Variants in NEK7 observed in about 807,000 individuals in gnomAD.
NEK7 encodes NIMA related kinase 7.
Under a neutral mutation model 44.6 loss-of-function variants are expected in NEK7, and 18 were observed. The ratio of observed to expected loss-of-function variants is 0.40; its 90% CI spans 0.28 to 0.60. NEK7 has a LOEUF of 0.60. Ranked by LOEUF, NEK7 falls within the 20% of genes least tolerant of loss-of-function variation. The pLI, the probability that NEK7 is intolerant of heterozygous loss-of-function variation, is 0.38. For missense variants in NEK7, 256 were observed against 366.5 expected, an observed-to-expected ratio of 0.70 and a Z score of 2.46; for synonymous variants, 130 against 121.1, an observed-to-expected ratio of 1.07 and a Z score of -0.48.
At chr1:198,180,030 A>AT (rs1664716620) in intron 1 of NEK7, among the ~76,000 whole-genome samples, 1 of 152,264 alleles carries the variant, frequency 6.6e-6, no homozygotes, top group Non-Finnish European at 1.5e-5. Context: ...TTTTGAGAAG[A>AT]TATCTGTGGA....
intron 1 of NEK7, among the ~76,000 whole-genome samples, chr1:198,207,591 C>G (rs1211314899): frequency 6.6e-6 from 1 of 152,090 alleles, no homozygotes; most frequent in Non-Finnish European, 1.5e-5. Flanking sequence ...TGAAAGAAGT[C>G]ATATTCAAAA....
rs986676044 is a variant in NEK7, at chr1:198,252,955, C to T, written c.58-85C>T. 7 of 1,143,136 alleles carry T rather than the reference C, an allele frequency of 6.1e-6. No homozygotes were observed. The Admixed American group carries it at 1.1e-4, about 17-fold the overall frequency. 70.8% of individuals were successfully genotyped at this position (1,143,136 alleles called of 1,614,324 possible). A position where few individuals can be genotyped will look rare whatever the true frequency, so the allele number is the denominator to read the frequency against. Reference sequence around the variant, plus strand: ...GTCTGCAAACTTACCCTATGTGTCACCTACATATATGAAAATGATCAGTGA... The same window carrying T: ...GTCTGCAAACTTACCCTATGTGTCATCTACATATATGAAAATGATCAGTGA... On this transcript the variant is annotated intron_variant, in intron 2 of 9. Transcript: ENST00000367385.
At chr1:198,189,981 A>AT (rs1665028252) in intron 1 of NEK7, among the ~76,000 whole-genome samples, 1 of 152,118 alleles carries the variant, frequency 6.6e-6, no homozygotes, top group South Asian at 2.1e-4. Context: ...GTATTGCCAT[A>AT]TAGGCAAATG....
intron 5 of NEK7, among the ~76,000 whole-genome samples, chr1:198,268,326 A>G (rs1000621417): frequency 1.3e-5 from 2 of 150,390 alleles, no homozygotes; most frequent in Non-Finnish European, 3.0e-5. Flanking sequence ...CCATCCTCCC[A>G]TGTTCCCTAA....
chr1:198,217,083 ATCC>A (rs1665943154), intron 1 of NEK7, among the ~76,000 whole-genome samples: 1 of 152,058 alleles, frequency 6.6e-6, no homozygotes, highest in South Asian at 2.1e-4. Flanking sequence ...GAAGGAGAGA[ATCC>A]TCCTGAACTC....
intron 7 of NEK7, among the ~76,000 whole-genome samples, chr1:198,289,664 A>G (rs1223532171): frequency 6.6e-6 from 1 of 152,134 alleles, no homozygotes; most frequent in Non-Finnish European, 1.5e-5. Context: ...TTCTTTTTTC[A>G]TTCAAATTTT....
chr1:198,228,493 C>T (rs868519545), intron 1 of NEK7, among the ~76,000 whole-genome samples: 3 of 151,714 alleles, frequency 2.0e-5, no homozygotes, highest in Non-Finnish European at 2.9e-5. Context: ...ATTCTTCCTA[C>T]CCATGAGCAT....
intron 2 of NEK7, among the ~76,000 whole-genome samples, chr1:198,248,722 T>C (rs996293967): frequency 1.1e-4 from 16 of 152,144 alleles, no homozygotes; most frequent in African/African-American, 3.9e-4. Context: ...ATTATGTATT[T>C]TTGTAAGGTC....
At chr1:198,316,785 T>C (rs1655382670) in intron 9 of NEK7, among the ~76,000 whole-genome samples, 1 of 152,190 alleles carries the variant, frequency 6.6e-6, no homozygotes, top group African/African-American at 2.4e-5. Flanking sequence ...GAATGAACAA[T>C]TGAATGAACG....
At chr1:198,173,213 GAGACTGGGA>G (rs1664504576) in intron 1 of NEK7, among the ~76,000 whole-genome samples, 1 of 152,124 alleles carries the variant, frequency 6.6e-6, no homozygotes, top group South Asian at 2.1e-4. Context: ...AGGATTGCTT[GAGACTGGGA>G]GTTCAAGACC....
intron 5 of NEK7, 71 bp downstream of exon 5, chr1:198,264,306 A>G: frequency 1.9e-6 from 2 of 1,065,336 alleles, no homozygotes; most frequent in African/African-American, 3.3e-5. Context: ...TGTTAAACAC[A>G]TAGGGATATT....
At chr1:198,311,779 G>T (rs1169491956) in intron 9 of NEK7, among the ~76,000 whole-genome samples, 4 of 152,150 alleles carry the variant, frequency 2.6e-5, no homozygotes, top group Non-Finnish European at 5.9e-5. Flanking sequence ...TGCATCCCAG[G>T]GATGAAGCCC....
chr1:198,267,140 A>G (rs1341934736), intron 5 of NEK7, among the ~76,000 whole-genome samples: 2 of 152,014 alleles, frequency 1.3e-5, no homozygotes, highest in African/African-American at 2.4e-5. Flanking sequence ...CTTAATTCCT[A>G]TCATTATCTG....
intron 3 of NEK7, among the ~76,000 whole-genome samples, chr1:198,262,267 A>G (rs1653501088): frequency 6.6e-6 from 1 of 151,924 alleles, no homozygotes; most frequent in Admixed American, 6.6e-5. Context: ...TAATTGCTCA[A>G]CATATATTAG....
intron 1 of NEK7, among the ~76,000 whole-genome samples, chr1:198,173,336 G>A (rs1253975215): frequency 1.3e-5 from 2 of 151,924 alleles, no homozygotes; most frequent in African/African-American, 4.8e-5. Flanking sequence ...GGCTGAGCTG[G>A]GAGGATTGCT....
intron 1 of NEK7, among the ~76,000 whole-genome samples, chr1:198,169,705 A>G (rs1664379458): frequency 2.0e-5 from 3 of 152,232 alleles, no homozygotes; most frequent in East Asian, 1.9e-4. Flanking sequence ...AGTGCATTAA[A>G]ATAATCTTTA....
At chr1:198,210,781 C>G (rs1388825694) in intron 1 of NEK7, among the ~76,000 whole-genome samples, 2 of 101,550 alleles carry the variant, frequency 2.0e-5, no homozygotes, top group Non-Finnish European at 3.5e-5. Flanking sequence ...GAGACGGAGT[C>G]TCGCTCTGTC....
intron 1 of NEK7, among the ~76,000 whole-genome samples, chr1:198,229,147 A>G (rs1666313934): frequency 6.6e-6 from 1 of 152,040 alleles, no homozygotes; most frequent in Non-Finnish European, 1.5e-5. Context: ...GTCCAGTCAC[A>G]TTTCTGTATG....
chr1:198,176,372 G>T (rs1252811785), intron 1 of NEK7, among the ~76,000 whole-genome samples: 2 of 152,166 alleles, frequency 1.3e-5, no homozygotes, highest in Non-Finnish European at 2.9e-5. Context: ...GCTGGGTTGA[G>T]TATTTCAGTA....
Sources: allele counts gnomAD v4.1 joint callset (sites outside exome capture counted in the v4.1 genomes callset), GRCh38; gene constraint gnomAD v4.1.1; transcripts MANE v1.5; gene names NCBI Gene and HGNC (gene_info 2026-07-23, HGNC 2026-07-21).